The following ARSB variants were observed in gnomAD, a reference collection of about 807,000 sequenced individuals.
The protein encoded by ARSB is N-acetylgalactosamine-4-sulfatase.
In ARSB, 41 loss-of-function variants were observed where a neutral mutation model predicts 50.9. The ratio of observed to expected loss-of-function variants is 0.81; its 90% confidence interval spans 0.63 to 1.04. ARSB has a LOEUF of 1.04. ARSB is among the 50% of genes least tolerant of loss of function. ARSB has a pLI of 0.00. For synonymous variants in ARSB, 269 were observed against 284.8 expected, an observed-to-expected ratio of 0.94 and a Z score of 0.56; for missense variants, 672 against 693.3, an observed-to-expected ratio of 0.97 and a Z score of 0.35.
chr5:78,876,574 G>C (rs1245294202), intron 5 of ARSB, among the ~76,000 whole-genome samples: 1 of 152,204 alleles, frequency 6.6e-6, no homozygotes, highest in Non-Finnish European at 1.5e-5. Context: ...CTGGTGCAGG[G>C]AAGGGCAACT....
chr5:78,958,351 G>T (rs1751828551), intron 3 of ARSB, among the ~76,000 whole-genome samples: 1 of 152,172 alleles, frequency 6.6e-6, no homozygotes, highest in Non-Finnish European at 1.5e-5. Context: ...AGGAGAAAGA[G>T]GGTAGGTGAT....
rs535416807 is a variant in ARSB at position 78,958,902 on chromosome 5, C to T, written c.691-3400G>A. Among the ~76,000 whole-genome samples, 22 of 149,984 alleles carry T rather than the reference C, an allele frequency of 1.5e-4. No homozygotes were observed. In the South Asian group the frequency reaches 4.7e-3, roughly 32 times the overall value. ...TAAACATACCTTTCCCAAAAGAAAA[C>T]CACCACCTTGACTAATCAGATCATT... On this transcript the variant is annotated intron_variant, in intron 3 of 7. Coordinates refer to ENST00000264914, the MANE Select transcript of ARSB (RefSeq NM_000046.5).
intron 6 of ARSB, chr5:78,816,025 T>C (rs577983488): frequency 2.0e-6 from 3 of 1,518,330 alleles, no homozygotes; most frequent in Admixed American, 3.5e-5. Context: ...TTTCAGAACC[T>C]TGGGTCTGAA....
At chr5:78,977,415 A>T (rs887498352) in intron 1 of ARSB, among the ~76,000 whole-genome samples, 2 of 152,030 alleles carry the variant, frequency 1.3e-5, no homozygotes, top group African/African-American at 4.8e-5. Context: ...CGGCCTCCCA[A>T]AGTGCTGGGA....
At chr5:78,909,178 G>A (rs1026963146) in intron 4 of ARSB, among the ~76,000 whole-genome samples, 2 of 152,328 alleles carry the variant, frequency 1.3e-5, no homozygotes, top group Admixed American at 6.5e-5. Context: ...TTAGGACCAT[G>A]TGCCCTTATC....
intron 5 of ARSB, among the ~76,000 whole-genome samples, chr5:78,879,548 C>T (rs1437891582): frequency 6.6e-6 from 1 of 152,226 alleles, no homozygotes; most frequent in Non-Finnish European, 1.5e-5. Flanking sequence ...GTTTTTCATC[C>T]GTTACTGGCA....
chr5:78,871,365 C>G (rs948197882), intron 5 of ARSB, among the ~76,000 whole-genome samples: 2 of 151,706 alleles, frequency 1.3e-5, no homozygotes, highest in African/African-American at 2.4e-5. Context: ...CAAGTCAATC[C>G]TAAGCCAAAA....
chr5:78,985,539 T>G, upstream of ARSB: 1 of 243,928 alleles, frequency 4.1e-6, no homozygotes, highest in Non-Finnish European at 7.8e-6. Flanking sequence ...CCCCGGCAAT[T>G]AAATTTGCAC....
At chr5:78,870,127 CT>C (rs2112145613) in intron 5 of ARSB, among the ~76,000 whole-genome samples, 1 of 145,934 alleles carries the variant, frequency 6.9e-6, no homozygotes, top group South Asian at 2.3e-4. Context: ...GAAGTTGAAT[CT>C]CTGAATAGAC....
intron 5 of ARSB, among the ~76,000 whole-genome samples, chr5:78,875,347 C>T (rs1294797318): frequency 1.3e-5 from 2 of 152,074 alleles, no homozygotes; most frequent in African/African-American, 4.8e-5. Context: ...TAAATAATTA[C>T]ATTCAAACAT....
intron 6 of ARSB, among the ~76,000 whole-genome samples, chr5:78,797,913 G>T (rs546488723): frequency 5.3e-5 from 8 of 152,308 alleles, no homozygotes; most frequent in South Asian, 4.1e-4. Context: ...GCAAAGCATA[G>T]GGGAAGGGGC....
chr5:78,977,170 G>A (rs490329), intron 1 of ARSB, among the ~76,000 whole-genome samples: 2 of 107,178 alleles, frequency 1.9e-5, no homozygotes, highest in South Asian at 2.6e-4. Flanking sequence ...CTTCCCCCCC[G>A]CGAGATGGAG....
At chr5:78,844,940 T>C (rs1405087001) in intron 5 of ARSB, among the ~76,000 whole-genome samples, 1 of 152,148 alleles carries the variant, frequency 6.6e-6, no homozygotes, top group Non-Finnish European at 1.5e-5. Context: ...TTGTTGTTAA[T>C]GATAGTCACC....
At chr5:78,912,974 A>T (rs10474569) in intron 4 of ARSB, among the ~76,000 whole-genome samples, 1 of 152,022 alleles carries the variant, frequency 6.6e-6, no homozygotes. Flanking sequence ...AAACCCACGC[A>T]GAGCTAGGAG....
intron 4 of ARSB, among the ~76,000 whole-genome samples, chr5:78,932,486 C>G (rs1367147252): frequency 3.9e-5 from 6 of 152,200 alleles, no homozygotes; most frequent in Non-Finnish European, 8.8e-5. Flanking sequence ...CTTTCCAGCT[C>G]TATCTTTCTA....
chr5:78,797,898 GA>G (rs1395753272), intron 6 of ARSB, among the ~76,000 whole-genome samples: 1 of 152,158 alleles, frequency 6.6e-6, no homozygotes, highest in East Asian at 1.9e-4. Flanking sequence ...AACACCATTT[GA>G]AAGGCAAAGC....
intron 4 of ARSB, among the ~76,000 whole-genome samples, chr5:78,903,395 G>A (rs972434447): frequency 1.3e-5 from 2 of 152,214 alleles, no homozygotes; most frequent in African/African-American, 4.8e-5. Context: ...CACAAAAGAT[G>A]TGATTCCTCG....
At chr5:78,840,920 G>C (rs1046074701) in intron 5 of ARSB, among the ~76,000 whole-genome samples, 3 of 152,184 alleles carry the variant, frequency 2.0e-5, no homozygotes, top group African/African-American at 7.2e-5. Context: ...CTGAATGGAA[G>C]TAGAAATGAT....
intron 5 of ARSB, among the ~76,000 whole-genome samples, chr5:78,861,980 CAG>C (rs972920690): frequency 2.0e-5 from 3 of 152,098 alleles, no homozygotes; most frequent in African/African-American, 4.8e-5. Context: ...AACAGACAAA[CAG>C]AGAACCAAAT....
Sources: gnomAD v4.1 joint callset for allele counts (sites outside exome capture counted in the v4.1 genomes callset) on GRCh38, gnomAD v4.1.1 for gene constraint, MANE v1.5 for transcripts, NCBI Gene and HGNC (gene_info 2026-07-23, HGNC 2026-07-21) for gene names.